Variants in VPS13D observed in about 807,000 individuals in gnomAD.
VPS13D encodes the protein vacuolar protein sorting 13 homolog D, also known as intermembrane lipid transfer protein VPS13D.
In VPS13D, 187 loss-of-function variants were observed where a neutral mutation model predicts 461.9. That is an observed-to-expected ratio of 0.40 (90% CI 0.36 to 0.46). The LOEUF (loss-of-function observed/expected upper bound fraction) is 0.46. VPS13D is among the 20% of genes least tolerant of loss of function. VPS13D has a pLI of 0.60. For missense variants in VPS13D, 4,711 were observed against 5,364.9 expected (o/e 0.88, Z 3.81); for synonymous variants, 1,951 against 1,986.3 (o/e 0.98, Z 0.47).
chr1:12,319,944 G>A (rs764829829), intron 32 of VPS13D, among the ~76,000 whole-genome samples: 7 of 152,168 alleles, frequency 4.6e-5, no homozygotes, highest in East Asian at 1.9e-4. Flanking sequence ...GTGCCCTCTC[G>A]TTCTGCAGAC....
Position 12,400,341 on chromosome 1 carries a change from G to A in VPS13D, c.11784+11G>A. The A allele has an allele frequency of 6.2e-7, 1 of 1,613,604 alleles. No homozygotes were observed. Among genetic ancestry groups the A allele is most frequent in the Non-Finnish European group, 8.5e-7 (1 of 1,179,770 alleles). ...ACCAACATCTACAAGGTGGGCTGGT[G>A]GAGGAGGCTGGTGGGTTGATGCCAT... On this transcript the variant is annotated intron_variant, in intron 61 of 69. Coordinates refer to ENST00000620676, the MANE Select transcript of VPS13D (RefSeq NM_015378.4).
chr1:12,465,552 T>G (rs1452580647), intron 67 of VPS13D, among the ~76,000 whole-genome samples: 1 of 152,236 alleles, frequency 6.6e-6, no homozygotes, highest in Non-Finnish European at 1.5e-5. Context: ...AAATTCCATT[T>G]GCTCTGAGAA....
intron 50 of VPS13D, among the ~76,000 whole-genome samples, chr1:12,359,670 G>A (rs1643921837): frequency 6.6e-6 from 1 of 152,180 alleles, no homozygotes. Context: ...TTAAATGTCT[G>A]AGGATTTATT....
chr1:12,436,709 C>T (rs2100324547), intron 65 of VPS13D, among the ~76,000 whole-genome samples: 1 of 152,132 alleles, frequency 6.6e-6, no homozygotes, highest in South Asian at 2.1e-4. Context: ...GCTCTTGTTG[C>T]CCAGGCTGGA....
intron 47 of VPS13D, among the ~76,000 whole-genome samples, chr1:12,354,730 C>T (rs751883728): frequency 4.6e-5 from 7 of 152,106 alleles, no homozygotes; most frequent in Non-Finnish European, 1.0e-4. Context: ...AAAGTATAAA[C>T]GTTTGCTAAG....
intron 67 of VPS13D, among the ~76,000 whole-genome samples, chr1:12,482,284 C>G (rs1645728848): frequency 6.6e-6 from 1 of 152,196 alleles, no homozygotes; most frequent in Admixed American, 6.5e-5. Context: ...CTCCCCTTAT[C>G]CAGAAGAAAG....
intron 67 of VPS13D, among the ~76,000 whole-genome samples, chr1:12,487,873 C>CGCCT (rs1024675100): frequency 6.6e-6 from 1 of 151,858 alleles, no homozygotes; most frequent in African/African-American, 2.4e-5. Flanking sequence ...TTTTTGAAAG[C>CGCCT]GCCTGCTGTG....
At position 12,363,179 on chromosome 1, in the gene VPS13D, C is replaced by T. The variant is rs749982105; in HGVS notation, c.10380C>T (p.Asp3460=). ...YDQLLCVRLM[D]VPNCIWSGGF... ...AGCTATTGTGTGTCAGACTGATGGA[C>T]GTTCCCAATTGTATTTGGTCTGGAG... The change falls in exon 52 of 70, where the codon GAC becomes GAT. Residue 3460 remains aspartate, a synonymous_variant. Transcript: ENST00000620676. The T allele has an allele frequency of 1.3e-5, 21 of 1,614,066 alleles. No individual in the cohort carries two copies. Among genetic ancestry groups the T allele is most frequent in the African/African-American group, 5.3e-5 (4 of 74,914 alleles).
rs567932495 is a variant in VPS13D, at chr1:12,247,997, C to T, written c.448-1226C>T. On this transcript the variant is annotated intron_variant, in intron 5 of 69. Transcript: ENST00000620676. ...CCGCCTCCCGGGTTCATGCCATTCT[C>T]CTGCCTCAGCCTCCCAAGTAGCTGA... Among the ~76,000 whole-genome samples, 85 of 151,938 alleles carry T rather than the reference C, an allele frequency of 5.6e-4. 1 individual carries two copies. The East Asian group carries it at 0.016, about 28-fold the overall frequency.
chr1:12,506,590 G>A (rs1011551644), intron 68 of VPS13D, among the ~76,000 whole-genome samples: 3 of 152,214 alleles, frequency 2.0e-5, no homozygotes, highest in Non-Finnish European at 4.4e-5. Context: ...TGCTCCTTCA[G>A]TTTCACATTG....
At chr1:12,401,101 G>T (rs138750109) in intron 61 of VPS13D, among the ~76,000 whole-genome samples, 26 of 152,232 alleles carry the variant, frequency 1.7e-4, no homozygotes, top group African/African-American at 6.3e-4. Flanking sequence ...AAAGCAGATA[G>T]TTACAAATGA....
chr1:12,266,685 C>T (rs1259487349), intron 13 of VPS13D, among the ~76,000 whole-genome samples, 196 bp from the exon 14 acceptor site: 2 of 152,182 alleles, frequency 1.3e-5, no homozygotes, highest in Non-Finnish European at 2.9e-5. Context: ...CACTTTATTG[C>T]AGTGGTCTGG....
chr1:12,261,619 C>T (rs545603385), intron 12 of VPS13D, among the ~76,000 whole-genome samples: 51 of 152,344 alleles, frequency 3.3e-4, no homozygotes, highest in African/African-American at 1.1e-3. Flanking sequence ...ATCGCAGATG[C>T]GGACCATTTC....
At chr1:12,394,416 A>T (rs190048126) in intron 60 of VPS13D, among the ~76,000 whole-genome samples, 1 of 152,178 alleles carries the variant, frequency 6.6e-6, no homozygotes, top group Non-Finnish European at 1.5e-5. Flanking sequence ...TCTGCTGTGC[A>T]TTATGGTAGC....
chr1:12,370,100 AG>A (rs1306185420), intron 54 of VPS13D, among the ~76,000 whole-genome samples: 1 of 152,212 alleles, frequency 6.6e-6, no homozygotes, highest in Non-Finnish European at 1.5e-5. Context: ...CAGACACCTA[AG>A]GGTCTGTCTT....
intron 60 of VPS13D, among the ~76,000 whole-genome samples, chr1:12,396,041 T>C (rs1644495018): frequency 8.8e-6 from 1 of 113,132 alleles, no homozygotes; most frequent in East Asian, 2.4e-4. Context: ...TTCTTTAAGA[T>C]CAATAAAATT....
intron 55 of VPS13D, among the ~76,000 whole-genome samples, 160 bp from the exon 56 acceptor site, chr1:12,378,268 C>G (rs947815395): frequency 2.6e-5 from 4 of 152,132 alleles, no homozygotes; most frequent in African/African-American, 9.7e-5. Flanking sequence ...AGATAGATAA[C>G]CATGAAAGTT....
chr1:12,355,938 T>G lies in VPS13D; in HGVS notation c.9719T>G (p.Leu3240Arg). The change falls in exon 48 of 70, where the codon CTC becomes CGC. Residue 3240 changes from leucine (L) to arginine (R), a missense_variant. Around this residue, in one of 3 missense-constraint regions of VPS13D, gnomAD observed 4,411 missense variants for 4,937.8 expected, o/e 0.89. Coordinates refer to ENST00000620676, the MANE Select transcript of VPS13D (RefSeq NM_015378.4). Reference sequence around the variant, plus strand: ...AATTTCCCCCTCTGTAAAGAATTGCTCATTCCACCTGGAACCCAAAACTAT... The same window carrying G: ...AATTTCCCCCTCTGTAAAGAATTGCGCATTCCACCTGGAACCCAAAACTAT... ...LENFPLCKELLIPPGTQNYMV... is the reference protein window; with the variant it reads ...LENFPLCKELRIPPGTQNYMV... 1 of 1,609,384 alleles carries G rather than the reference T, an allele frequency of 6.2e-7. No homozygotes were observed. The highest frequency in any genetic ancestry group is 2.2e-5 in the East Asian group (1 of 44,626).
chr1:12,283,577 C>A lies in VPS13D; in HGVS notation c.5475C>A (p.Thr1825=), dbSNP rs1384918208. 3 of 1,614,070 alleles carry A rather than the reference C, an allele frequency of 1.9e-6. No homozygotes were observed. Among genetic ancestry groups the A allele is most frequent in the Non-Finnish European group, 2.5e-6 (3 of 1,180,040 alleles). ...NCLDVLITLQ[T]WVVILDFFGI... ...TGGATGTGCTGATCACACTGCAAAC[C>A]TGGGTTGTGATATTAGACTTTTTTG... Residue 1825 remains threonine (T), a synonymous_variant, in exon 21 of 70, where the codon ACC becomes ACA. Transcript: ENST00000620676.
Sources: allele counts gnomAD v4.1 joint callset (sites outside exome capture counted in the v4.1 genomes callset), GRCh38; gene constraint gnomAD v4.1.1; regional missense constraint gnomAD v4.1.1; transcripts MANE v1.5; gene names NCBI Gene and HGNC (gene_info 2026-07-23, HGNC 2026-07-21).